The following RFX1 variants were observed in gnomAD, a reference collection of about 807,000 sequenced individuals.
RFX1 encodes the protein regulatory factor X1.
RFX1 carries 42 observed loss-of-function variants against 119.6 expected under a neutral mutation model. The observed-to-expected ratio is 0.35, with a 90% CI of 0.27 to 0.45. The LOEUF (loss-of-function observed/expected upper bound fraction) is 0.45, where lower values mean the gene tolerates loss of function less well. Among genes scored for constraint, RFX1 ranks in the 20% least tolerant of loss-of-function variants. RFX1 has a pLI of 1.00. For synonymous variants in RFX1, 628 were observed against 618.5 expected, an observed-to-expected ratio of 1.02 and a Z score of -0.23; for missense variants, 1,118 against 1,368.1, an observed-to-expected ratio of 0.82 and a Z score of 2.88.
At position 13,969,187 on chromosome 19, in the gene RFX1, G is replaced by A. The variant is rs1040862521; in HGVS notation, c.1497-293C>T. 1.3e-5 allele frequency among the ~76,000 whole-genome samples: 2 copies of A among 152,166 alleles called. No homozygotes were observed. Among genetic ancestry groups the A allele is most frequent in the Non-Finnish European group, 2.9e-5 (2 of 68,032 alleles). The stretch of plus-strand genomic sequence containing the variant: ...AGACGTGAGCGGAGGTGAGCCATGG[G>A]GGTTGCAAAGGAGAGGAAGAGAGGG... On this transcript the variant is annotated intron_variant, in intron 10 of 20. Transcript: ENST00000254325. The surrounding 1 kb of genome is among the most constrained non-coding windows in gnomAD (Gnocchi z 4.5).
At chr19:13,977,826 G>A (rs868661657) in intron 8 of RFX1, among the ~76,000 whole-genome samples, 166 bp downstream of exon 8, 1 of 150,710 alleles carries the variant, frequency 6.6e-6, no homozygotes, top group South Asian at 2.1e-4. Context: ...GCCACTTTTC[G>A]TGGCTGTGGC....
chr19:13,968,963 C>A lies in RFX1; in HGVS notation c.1497-69G>T. 6.7e-7 allele frequency: 1 copy of A among 1,497,348 alleles called. No homozygotes were observed. The highest frequency in any genetic ancestry group is 9.0e-7 in the Non-Finnish European group (1 of 1,115,616). 92.8% of individuals were successfully genotyped at this position (1,497,348 alleles called of 1,614,324 possible). Reference sequence around the variant, plus strand: ...GGCTGGCCGGCCATGGAGCACCTCACAGCACACCCGTCTCCTCTCTGTTAG... The same window carrying A: ...GGCTGGCCGGCCATGGAGCACCTCAAAGCACACCCGTCTCCTCTCTGTTAG... On this transcript the variant is annotated intron_variant, in intron 10 of 20. Coordinates refer to ENST00000254325, the MANE Select transcript of RFX1 (RefSeq NM_002918.5). This position sits in a 1 kb window ranked among gnomAD's most constrained non-coding sequence, Gnocchi z 5.5.
chr19:13,984,291 C>T (rs1257232742), intron 2 of RFX1, among the ~76,000 whole-genome samples: 8 of 150,490 alleles, frequency 5.3e-5, no homozygotes, highest in Admixed American at 5.3e-4. Flanking sequence ...CCTTGCCTGC[C>T]TCTATAGAAC....
intron 8 of RFX1, among the ~76,000 whole-genome samples, chr19:13,977,125 T>C (rs1974274652): frequency 6.6e-6 from 1 of 151,544 alleles, no homozygotes; most frequent in African/African-American, 2.4e-5. Context: ...TGATACCCCA[T>C]CTCTACTAAC....
chr19:13,973,679 A>T (rs972913288), intron 8 of RFX1, among the ~76,000 whole-genome samples: 1 of 151,966 alleles, frequency 6.6e-6, no homozygotes, highest in Non-Finnish European at 1.5e-5. Flanking sequence ...CACCCAGGCT[A>T]GAGTGCAGTG....
chr19:13,998,031 A>G (rs1009411631), intron 1 of RFX1: 1 of 152,214 alleles, frequency 6.6e-6, no homozygotes, highest in Non-Finnish European at 1.5e-5. Flanking sequence ...AAGTCACTGT[A>G]GCCGACGACC....
rs1973921631 is a variant in RFX1, at chr19:13,966,907, G to T, written c.1733-156C>A. 6.6e-6 allele frequency among the ~76,000 whole-genome samples: 1 copy of T among 152,194 alleles called. No homozygotes were observed. Among genetic ancestry groups the T allele is most frequent in the Non-Finnish European group, 1.5e-5 (1 of 68,010 alleles). ...AGCGCCTGGCCCGGGCCCAGGACGG[G>T]CCCAGGAGTGAGGGCCCACACTCCT... On this transcript the variant is annotated intron_variant, in intron 12 of 20. Coordinates refer to ENST00000254325, the MANE Select transcript of RFX1 (RefSeq NM_002918.5). This position sits in a 1 kb window ranked among gnomAD's most constrained non-coding sequence, Gnocchi z 6.3.
At position 13,978,013 on chromosome 19, in the gene RFX1, G is replaced by C; in HGVS notation, c.908C>G (p.Ala303Gly). The C allele has an allele frequency of 6.2e-7, 1 of 1,613,240 alleles. No individual in the cohort carries two copies. Among genetic ancestry groups the C allele is most frequent in the Non-Finnish European group, 8.5e-7 (1 of 1,179,550 alleles). The change falls in exon 8 of 21, where the codon GCC becomes GGC. Residue 303 changes from alanine to glycine, a missense_variant. By Grantham distance (60) the Ala-to-Gly change is moderately conservative. Around this residue, in one of 5 missense-constraint regions of RFX1, gnomAD observed 542 missense variants for 602.7 expected, o/e 0.90. Coordinates refer to ENST00000254325, the MANE Select transcript of RFX1 (RefSeq NM_002918.5). The stretch of plus-strand genomic sequence containing the variant: ...TTACATGGCACTGGCCGTGTAGCTG[G>C]CATCGCCGCCCTCCACATACTGCAC... ...SQVQYVEGGD[A>G]SYTASAIRSS...
At chr19:13,979,643 C>T (rs1974367433) in intron 6 of RFX1, 101 bp from the exon 7 acceptor site, 12 of 699,876 alleles carry the variant, frequency 1.7e-5, no homozygotes, top group Non-Finnish European at 2.7e-5. Context: ...ACAGCAGACC[C>T]ATAAGCAAGA....
chr19:13,977,023 G>A (rs1301706603), intron 8 of RFX1, among the ~76,000 whole-genome samples: 2 of 150,056 alleles, frequency 1.3e-5, no homozygotes, highest in Non-Finnish European at 3.0e-5. Flanking sequence ...AAAGTCCAGT[G>A]CGGTGGCTCA....
chr19:13,995,624 C>T (rs1401685264), intron 1 of RFX1, among the ~76,000 whole-genome samples: 3 of 152,100 alleles, frequency 2.0e-5, no homozygotes, highest in African/African-American at 7.2e-5. Context: ...ACCAGGGTGG[C>T]TGGATCACCT....
At chr19:13,999,980 C>T (rs1029533221) in intron 1 of RFX1, among the ~76,000 whole-genome samples, 14 of 152,080 alleles carry the variant, frequency 9.2e-5, no homozygotes, top group African/African-American at 3.1e-4. Context: ...CTGGCCTGAC[C>T]CCTGTTTTGG....
Position 13,963,719 on chromosome 19 carries a change from C to G in RFX1, c.2389G>C (p.Glu797Gln). Reference protein sequence around the residue: ...QEQASWVCRCEDRVVQRLEQD... With the variant: ...QEQASWVCRCQDRVVQRLEQD... Reference sequence around the variant, plus strand: ...TCCAGCCGCTGCACCACGCGGTCCTCGCAGCGGCACACCCACGAGGCCTGC... The same window carrying G: ...TCCAGCCGCTGCACCACGCGGTCCTGGCAGCGGCACACCCACGAGGCCTGC... The change falls in exon 18 of 21, where the codon GAG becomes CAG. Residue 797 changes from glutamate (E) to glutamine (Q), a missense_variant. By Grantham distance (29) the Glu-to-Gln change is conservative. This residue lies in a region of RFX1 where 68 missense variants were observed against 67.2 expected (regional missense o/e 1.01). Transcript: ENST00000254325. 3.1e-6 allele frequency: 5 copies of G among 1,599,980 alleles called. No homozygotes were observed. The highest frequency in any genetic ancestry group is 4.3e-6 in the Non-Finnish European group (5 of 1,175,426).
chr19:13,999,899 C>T (rs552955316), intron 1 of RFX1, among the ~76,000 whole-genome samples: 1 of 152,258 alleles, frequency 6.6e-6, no homozygotes, highest in East Asian at 1.9e-4. Context: ...TGGTCTCGAA[C>T]TCCTGACCTC....
intron 12 of RFX1, among the ~76,000 whole-genome samples, chr19:13,967,150 G>C (rs191199309): frequency 3.9e-4 from 59 of 152,228 alleles, no homozygotes; most frequent in Middle Eastern, 3.4e-3. Context: ...AGTCGCCCTA[G>C]GGATGCCCCT....
chr19:13,975,546 C>T (rs1974229522), intron 8 of RFX1, among the ~76,000 whole-genome samples: 1 of 151,996 alleles, frequency 6.6e-6, no homozygotes, highest in South Asian at 2.1e-4. Context: ...TGTCACACAT[C>T]AGGTCCAGCT....
chr19:13,987,562 A>C (rs113180030), intron 2 of RFX1, among the ~76,000 whole-genome samples: 2 of 151,962 alleles, frequency 1.3e-5, no homozygotes, highest in African/African-American at 4.8e-5. Context: ...CCCGGCGCTC[A>C]CGTGGCCCCG....
In RFX1 at chr19:13,980,486, A is replaced by C; in HGVS notation, c.738+87T>G. ...CTGGACCCACATGGGCTGGGCTCTA[A>C]TAGGCCAGAGGCACAGCCGTGGGGG... On this transcript the variant is annotated intron_variant, in intron 6 of 20. Coordinates refer to ENST00000254325, the MANE Select transcript of RFX1 (RefSeq NM_002918.5). This position sits in a 1 kb window ranked among gnomAD's most constrained non-coding sequence, Gnocchi z 5.1. 2 of 818,994 alleles carry C rather than the reference A, an allele frequency of 2.4e-6. No homozygotes were observed. The highest frequency in any genetic ancestry group is 3.8e-6 in the Non-Finnish European group (2 of 521,050). 50.7% of individuals were successfully genotyped at this position (818,994 alleles called of 1,614,324 possible).
chr19:13,994,291 T>A (rs1974913160), intron 1 of RFX1, among the ~76,000 whole-genome samples: 1 of 152,182 alleles, frequency 6.6e-6, no homozygotes, highest in East Asian at 1.9e-4. Flanking sequence ...TGGGTCACTC[T>A]CAACTACCAG....
Sources: allele counts gnomAD v4.1 joint callset (sites outside exome capture counted in the v4.1 genomes callset), GRCh38; gene constraint gnomAD v4.1.1; regional missense constraint gnomAD v4.1.1; non-coding constraint Gnocchi (gnomAD v3.1); transcripts MANE v1.5; gene names NCBI Gene and HGNC (gene_info 2026-07-23, HGNC 2026-07-21).